ROR2: variants seen among roughly 807,000 people sequenced by gnomAD.
ROR2 encodes the protein ROR family WNT receptor 2.
A neutral mutation model predicts 74.9 loss-of-function variants in ROR2; 33 were observed. The ratio of observed to expected loss-of-function variants is 0.44; its 90% confidence interval spans 0.33 to 0.59. The LOEUF (loss-of-function observed/expected upper bound fraction) is 0.59. ROR2 is among the 20% of genes least tolerant of loss of function. ROR2 has a pLI of 0.02. For synonymous variants in ROR2, 586 were observed against 558.7 expected, an observed-to-expected ratio of 1.05 and a Z score of -0.69; for missense variants, 1,216 against 1,313.8, an observed-to-expected ratio of 0.93 and a Z score of 1.15.
At chr9:91,854,710 T>C (rs545328938) in intron 1 of ROR2, among the ~76,000 whole-genome samples, 88 of 152,304 alleles carry the variant, frequency 5.8e-4, no homozygotes, top group Non-Finnish European at 1.1e-3. Context: ...GGAAGGCGGT[T>C]GGTAAGCTGG....
intron 1 of ROR2, among the ~76,000 whole-genome samples, chr9:91,817,131 C>T (rs751513703): frequency 1.3e-5 from 2 of 152,110 alleles, no homozygotes; most frequent in African/African-American, 2.4e-5. Flanking sequence ...TGACATCTGC[C>T]GTTTCAAACA....
intron 1 of ROR2, among the ~76,000 whole-genome samples, chr9:91,881,269 A>C (rs1830103756): frequency 6.6e-6 from 1 of 152,248 alleles, no homozygotes; most frequent in Admixed American, 6.5e-5. Context: ...AAAAACACCA[A>C]GTAGGTAACA....
At chr9:91,933,609 C>T (rs1426901379) in intron 1 of ROR2, among the ~76,000 whole-genome samples, 2 of 152,144 alleles carry the variant, frequency 1.3e-5, no homozygotes, top group Non-Finnish European at 2.9e-5. Flanking sequence ...CTTATGAGAA[C>T]TATCGTTAGG....
chr9:91,847,977 C>G (rs1828979105), intron 1 of ROR2, among the ~76,000 whole-genome samples: 1 of 152,102 alleles, frequency 6.6e-6, no homozygotes, highest in Non-Finnish European at 1.5e-5. Flanking sequence ...AACAGATGAG[C>G]CTTTTAAAGA....
intron 1 of ROR2, among the ~76,000 whole-genome samples, chr9:91,949,359 C>T (rs1832105847): frequency 6.6e-6 from 1 of 151,424 alleles, no homozygotes; most frequent in East Asian, 2.0e-4. Flanking sequence ...GCAAGAGCCG[C>T]TTCTCCGGGG....
intron 1 of ROR2, among the ~76,000 whole-genome samples, chr9:91,943,663 T>C (rs1831937837): frequency 1.3e-5 from 2 of 152,230 alleles, no homozygotes. Context: ...GTTTCTCCTG[T>C]AGGCTGAGGA....
chr9:91,722,746 A>G lies in ROR2; in HGVS notation c.*916T>C. 1.6e-6 allele frequency: 1 copy of G among 644,548 alleles called. No homozygotes were observed. Among genetic ancestry groups the G allele is most frequent in the Non-Finnish European group, 2.8e-6 (1 of 351,496 alleles). The allele number at this position is 644,548 out of a possible 1,614,324, so 39.9% of individuals were successfully genotyped here. ...GACCTCATGTGCACGTGGTACAGAG[A>G]GAAGCAAACCAAGACCAACTGGATC... On this transcript the variant is annotated 3_prime_UTR_variant, in exon 9 of 9. Transcript: ENST00000375708.
intron 4 of ROR2, among the ~76,000 whole-genome samples, chr9:91,750,936 T>G (rs934563853): frequency 6.6e-6 from 1 of 152,220 alleles, no homozygotes; most frequent in Admixed American, 6.5e-5. Context: ...ATTTGACACC[T>G]AAGATGCTGG....
chr9:91,932,717 G>T (rs977024757), intron 1 of ROR2, among the ~76,000 whole-genome samples: 1 of 152,012 alleles, frequency 6.6e-6, no homozygotes, highest in African/African-American at 2.4e-5. Flanking sequence ...AAACCAGTGA[G>T]GCAACTGAGA....
chr9:91,936,725 C>A (rs1442397018), intron 1 of ROR2, among the ~76,000 whole-genome samples: 2 of 152,176 alleles, frequency 1.3e-5, no homozygotes, highest in Non-Finnish European at 2.9e-5. Context: ...TCCACCTCAA[C>A]AATCTTTTAG....
chr9:91,916,294 C>G (rs536830398), intron 1 of ROR2, among the ~76,000 whole-genome samples: 2 of 152,238 alleles, frequency 1.3e-5, no homozygotes, highest in Admixed American at 6.5e-5. Context: ...GATAATCTTA[C>G]GTGGATTCCA....
intron 1 of ROR2, among the ~76,000 whole-genome samples, chr9:91,918,007 C>T (rs60351369): frequency 0.14 from 21,518 of 152,194 alleles, 3,350 homozygotes; most frequent in African/African-American, 0.39. Flanking sequence ...CGCGGTGGCT[C>T]ACACCTGTAA....
At chr9:91,938,549 G>C (rs1185959375) in intron 1 of ROR2, among the ~76,000 whole-genome samples, 2 of 152,204 alleles carry the variant, frequency 1.3e-5, no homozygotes, top group African/African-American at 2.4e-5. Flanking sequence ...TTGAGCCCAG[G>C]AGGTGGAGGC....
At chr9:91,740,315 A>T (rs1205361135) in intron 4 of ROR2, among the ~76,000 whole-genome samples, 1 of 152,066 alleles carries the variant, frequency 6.6e-6, no homozygotes, top group East Asian at 1.9e-4. Flanking sequence ...TTGGGAGGCC[A>T]AGGTGGGAGG....
chr9:91,911,492 T>A (rs547338779), intron 1 of ROR2, among the ~76,000 whole-genome samples: 51 of 150,976 alleles, frequency 3.4e-4, no homozygotes, highest in Non-Finnish European at 5.0e-4. Context: ...TGGTCTGCTG[T>A]TGACCGAAAC....
intron 4 of ROR2, among the ~76,000 whole-genome samples, chr9:91,741,296 C>A (rs1825231614): frequency 8.4e-6 from 1 of 119,660 alleles, no homozygotes; most frequent in Non-Finnish European, 1.7e-5. Context: ...AAGACTCTGT[C>A]TCAAGTAGTA....
At chr9:91,731,191 G>A (rs1266250842) in intron 6 of ROR2, 36 bp from the exon 7 acceptor site, 1 of 1,613,252 alleles carries the variant, frequency 6.2e-7, no homozygotes, top group Admixed American at 1.7e-5. Context: ...AACCTCCGGG[G>A]TACAACAAAA....
chr9:91,899,694 A>C (rs1312856878), intron 1 of ROR2, among the ~76,000 whole-genome samples: 1 of 152,058 alleles, frequency 6.6e-6, no homozygotes, highest in Non-Finnish European at 1.5e-5. Flanking sequence ...GCTCTGCCTG[A>C]CACCTCAACC....
At position 91,733,830 on chromosome 9, in the gene ROR2, C is replaced by A. The variant is rs117501376; in HGVS notation, c.623-394G>T. On this transcript the variant is annotated intron_variant, in intron 5 of 8. Coordinates refer to ENST00000375708, the MANE Select transcript of ROR2 (RefSeq NM_004560.4). The surrounding 1 kb of genome is among the most constrained non-coding windows in gnomAD (Gnocchi z 5.7). ...ACCCGCCATGTGTGGAGAGCGCAGG[C>A]CAAGAAGTGCAGTACCGAGCCCCAG... 8.8e-3 allele frequency among the ~76,000 whole-genome samples: 1,341 copies of A among 152,274 alleles called. 9 individuals carry two copies. Among genetic ancestry groups the A allele is most frequent in the Middle Eastern group, 0.02 (6 of 294 alleles).
Sources: allele counts gnomAD v4.1 joint callset (sites outside exome capture counted in the v4.1 genomes callset), GRCh38; gene constraint gnomAD v4.1.1; non-coding constraint Gnocchi (gnomAD v3.1); transcripts MANE v1.5; gene names NCBI Gene and HGNC (gene_info 2026-07-23, HGNC 2026-07-21).